SGCZ: variants seen among roughly 807,000 people sequenced by gnomAD.
SGCZ encodes the protein zeta-sarcoglycan.
In SGCZ, 40 loss-of-function variants were observed where a neutral mutation model predicts 41.3. The ratio of observed to expected loss-of-function variants is 0.97; its 90% CI spans 0.75 to 1.26. The LOEUF (loss-of-function observed/expected upper bound fraction) is 1.26, where lower values mean the gene tolerates loss of function less well. Among genes scored for constraint, SGCZ ranks in the 50% most tolerant of loss-of-function variants. The probability of loss-of-function intolerance (pLI) is 0.00; values close to 1 mark genes in which losing one functional copy is unlikely to be tolerated. For missense variants in SGCZ, 552 were observed against 369.8 expected (o/e 1.49, Z -4.04); for synonymous variants, 206 against 137.5 (o/e 1.50, Z -3.49).
intron 1 of SGCZ, among the ~76,000 whole-genome samples, chr8:14,881,732 T>C (rs750229792): frequency 1.2e-4 from 19 of 152,226 alleles, no homozygotes; most frequent in Non-Finnish European, 2.2e-4. Context: ...CAAGTGTACC[T>C]GATAGGTATC....
At chr8:14,690,412 G>A (rs930566256) in intron 1 of SGCZ, 1 of 152,002 alleles carries the variant, frequency 6.6e-6, no homozygotes, top group Non-Finnish European at 1.5e-5. Context: ...GCTGCTGAGG[G>A]TATTAGGCAC....
intron 1 of SGCZ, among the ~76,000 whole-genome samples, chr8:14,685,266 T>G (rs568708353): frequency 9.2e-5 from 14 of 152,194 alleles, no homozygotes; most frequent in African/African-American, 3.4e-4. Flanking sequence ...ACTTTATAAT[T>G]ATTATGTGGT....
At chr8:14,721,324 T>C (rs1809880394) in intron 1 of SGCZ, among the ~76,000 whole-genome samples, 1 of 152,190 alleles carries the variant, frequency 6.6e-6, no homozygotes, top group African/African-American at 2.4e-5. Context: ...TCCAGCTGCC[T>C]CATGGACATT....
At chr8:14,908,882 TGTTA>T (rs903239234) in intron 1 of SGCZ, among the ~76,000 whole-genome samples, 1 of 152,192 alleles carries the variant, frequency 6.6e-6, no homozygotes, top group Non-Finnish European at 1.5e-5. Flanking sequence ...ACGAATAGTT[TGTTA>T]TTTAATTTCA....
At chr8:14,110,675 A>G (rs116805484) in intron 5 of SGCZ, among the ~76,000 whole-genome samples, 5 of 152,170 alleles carry the variant, frequency 3.3e-5, no homozygotes, top group Non-Finnish European at 7.3e-5. Context: ...CAAAATTAAT[A>G]AGCAACACAG....
chr8:14,886,559 G>T (rs997825163), intron 1 of SGCZ, among the ~76,000 whole-genome samples: 21 of 152,038 alleles, frequency 1.4e-4, no homozygotes, highest in African/African-American at 5.1e-4. Flanking sequence ...GGGGAGGGAA[G>T]AAGAGCTTCC....
At chr8:14,261,112 GAAAAC>G (rs1206323721) in intron 3 of SGCZ, among the ~76,000 whole-genome samples, 1 of 144,260 alleles carries the variant, frequency 6.9e-6, no homozygotes, top group South Asian at 2.2e-4. Context: ...TAAAAAAAAA[GAAAAC>G]AAAAACACAT....
At chr8:15,049,544 T>A (rs1044001209) in intron 1 of SGCZ, among the ~76,000 whole-genome samples, 1 of 152,140 alleles carries the variant, frequency 6.6e-6, no homozygotes, top group African/African-American at 2.4e-5. Context: ...CAATATTGAA[T>A]GATTTAGAGA....
intron 1 of SGCZ, among the ~76,000 whole-genome samples, chr8:14,561,174 T>C (rs1288186501): frequency 6.6e-6 from 1 of 152,152 alleles, no homozygotes. Context: ...TATCCTCCAT[T>C]TGAAACTTTA....
chr8:14,315,148 CT>C (rs1801673727), intron 3 of SGCZ, among the ~76,000 whole-genome samples: 1 of 152,074 alleles, frequency 6.6e-6, no homozygotes, highest in African/African-American at 2.4e-5. Context: ...AGTCCTGAAA[CT>C]TTGGATGCAT....
intron 2 of SGCZ, among the ~76,000 whole-genome samples, chr8:14,430,992 T>C (rs1228448215): frequency 2.0e-5 from 3 of 151,696 alleles, no homozygotes; most frequent in African/African-American, 7.3e-5. Context: ...ACCAAGGAGG[T>C]GAAAGACCTG....
chr8:14,433,748 T>C (rs184883382), intron 2 of SGCZ, among the ~76,000 whole-genome samples: 143 of 152,316 alleles, frequency 9.4e-4, no homozygotes, highest in African/African-American at 3.3e-3. Context: ...AAATAAAATA[T>C]AAACATTGTT....
At chr8:15,152,387 G>A (rs76444419) in intron 1 of SGCZ, among the ~76,000 whole-genome samples, 1,915 of 152,318 alleles carry the variant, frequency 0.013, 19 homozygotes, top group Non-Finnish European at 0.02. Flanking sequence ...CTCGAGTACA[G>A]TACGTGGAAG....
At chr8:14,977,770 T>G (rs2130874871) in intron 1 of SGCZ, among the ~76,000 whole-genome samples, 1 of 152,206 alleles carries the variant, frequency 6.6e-6, no homozygotes, top group South Asian at 2.1e-4. Context: ...GGATGAAACT[T>G]TCCATATTTT....
chr8:14,175,471 A>G (rs1401979457), intron 4 of SGCZ, among the ~76,000 whole-genome samples: 3 of 152,134 alleles, frequency 2.0e-5, no homozygotes, highest in African/African-American at 7.2e-5. Flanking sequence ...ATGGAATATA[A>G]ATTTGGAAAA....
At chr8:15,009,682 A>G (rs1445302792) in intron 1 of SGCZ, among the ~76,000 whole-genome samples, 1 of 152,216 alleles carries the variant, frequency 6.6e-6, no homozygotes, top group Non-Finnish European at 1.5e-5. Flanking sequence ...TTCTCGGAAG[A>G]TAACTCTCAG....
chr8:14,446,915 C>G (rs554981279), intron 2 of SGCZ, among the ~76,000 whole-genome samples: 1 of 152,080 alleles, frequency 6.6e-6, no homozygotes. Flanking sequence ...ATTACACCAA[C>G]GAAATATAAT....
At chr8:14,357,707 A>G (rs1803347507) in intron 2 of SGCZ, among the ~76,000 whole-genome samples, 1 of 152,220 alleles carries the variant, frequency 6.6e-6, no homozygotes, top group African/African-American at 2.4e-5. Flanking sequence ...TATCTTATTC[A>G]ATTCTCACAA....
At chr8:14,444,679 G>T (rs374224078) in intron 2 of SGCZ, among the ~76,000 whole-genome samples, 1 of 138,546 alleles carries the variant, frequency 7.2e-6, no homozygotes, top group Non-Finnish European at 1.6e-5. Flanking sequence ...GGGGGATGGG[G>T]GAGGGATAGC....
Sources: allele counts gnomAD v4.1 joint callset (sites outside exome capture counted in the v4.1 genomes callset), GRCh38; gene constraint gnomAD v4.1.1; transcripts MANE v1.5; gene names NCBI Gene and HGNC (gene_info 2026-07-23, HGNC 2026-07-21).